Variants in PIN1 observed in about 807,000 individuals in gnomAD.
PIN1 encodes the protein peptidyl-prolyl cis-trans isomerase NIMA-interacting 1.
PIN1 carries 8 observed loss-of-function variants against 19.9 expected under a neutral mutation model. The ratio of observed to expected loss-of-function variants is 0.40; its 90% CI spans 0.24 to 0.72. The LOEUF is 0.72. PIN1 is among the 30% of genes least tolerant of loss of function. The pLI is 0.37. For synonymous variants in PIN1, 86 were observed against 90.8 expected, an observed-to-expected ratio of 0.95 and a Z score of 0.30; for missense variants, 185 against 226.5, an observed-to-expected ratio of 0.82 and a Z score of 1.18.
intron 2 of PIN1, among the ~76,000 whole-genome samples, chr19:9,839,872 C>T (rs537313832): frequency 6.6e-5 from 10 of 151,984 alleles, no homozygotes; most frequent in African/African-American, 9.7e-5. Flanking sequence ...TGGTGGTGCA[C>T]GCCTGTAGTG....
chr19:9,838,106 T>C lies in PIN1; in HGVS notation c.59-330T>C. 1 of 403,846 alleles carries C rather than the reference T, an allele frequency of 2.5e-6. No homozygotes were observed. Among genetic ancestry groups the C allele is most frequent in the East Asian group, 5.4e-5 (1 of 18,640 alleles). 25.0% of individuals were successfully genotyped at this position (403,846 alleles called of 1,614,324 possible). A position where few individuals can be genotyped will look rare whatever the true frequency, so the allele number is the denominator to read the frequency against. ...CTGGCTGCTGAGTGCATGGTTTGAG[T>C]CACTCCCTGTCCCCCAGCTTCCTCT... On this transcript the variant is annotated intron_variant, in intron 1 of 3. Transcript: ENST00000247970. This position sits in a 1 kb window ranked among gnomAD's most constrained non-coding sequence, Gnocchi z 5.8.
rs1429968724 is a variant in PIN1 at position 9,835,372 on chromosome 19, G to A, written c.28G>A (p.Gly10Ser). Residue 10 changes from glycine (G) to serine (S), a missense_variant, in exon 1 of 4, where the codon GGC (glycine) becomes AGC (serine). Transcript: ENST00000247970. ...GGCGGACGAGGAGAAGCTGCCGCCC[G>A]GCTGGGAGAAGCGCATGAGCCGCAG... MADEEKLPP[G>S]WEKRMSRSSG... 3.9e-6 allele frequency: 6 copies of A among 1,522,454 alleles called. No individual in the cohort carries two copies. The highest frequency in any genetic ancestry group is 2.6e-5 in the East Asian group (1 of 39,024). The allele number at this position is 1,522,454 out of a possible 1,614,324, so 94.3% of individuals were successfully genotyped here. A position where few individuals can be genotyped will look rare whatever the true frequency, so the allele number is the denominator to read the frequency against.
Position 9,848,099 on chromosome 19 carries a change from G to A in PIN1, c.341G>A (p.Ser114Asn). ...CTGGCCTCACAGTTCAGCGACTGCA[G>A]CTCAGCCAAGGCCAGGGGAGACCTG... ...ESLASQFSDC[S>N]SAKARGDLGA... The change falls in exon 3 of 4, where the codon AGC becomes AAC. Residue 114 changes from serine to asparagine, a missense_variant. By Grantham distance (46) the Ser-to-Asn change is conservative. Coordinates refer to ENST00000247970, the MANE Select transcript of PIN1 (RefSeq NM_006221.4). 6 of 1,613,478 alleles carry A rather than the reference G, an allele frequency of 3.7e-6. No individual in the cohort carries two copies. The highest frequency in any genetic ancestry group is 5.1e-6 in the Non-Finnish European group (6 of 1,179,454).
chr19:9,835,399 T>A lies in PIN1; in HGVS notation c.55T>A (p.Ser19Thr). Residue 19 changes from serine (S) to threonine (T), a missense_variant, in exon 1 of 4, where the codon TCA (serine) becomes ACA (threonine). Coordinates refer to ENST00000247970, the MANE Select transcript of PIN1 (RefSeq NM_006221.4). Reference protein sequence around the residue: ...PGWEKRMSRSSGRVYYFNHIT... With the variant: ...PGWEKRMSRSTGRVYYFNHIT... ...CTGGGAGAAGCGCATGAGCCGCAGCTCAGGTGCCGCGGGGGTCGGGGCTGG... is the reference window on the plus strand; with the variant it reads ...CTGGGAGAAGCGCATGAGCCGCAGCACAGGTGCCGCGGGGGTCGGGGCTGG... The A allele has an allele frequency of 1.3e-6, 2 of 1,501,004 alleles. No individual in the cohort carries two copies. Among genetic ancestry groups the A allele is most frequent in the East Asian group, 2.7e-5 (1 of 37,660 alleles). 93.0% of individuals were successfully genotyped at this position (1,501,004 alleles called of 1,614,324 possible). A position where few individuals can be genotyped will look rare whatever the true frequency, so the allele number is the denominator to read the frequency against.
At chr19:9,839,228 G>A (rs1265744548) in intron 2 of PIN1, among the ~76,000 whole-genome samples, 1 of 152,088 alleles carries the variant, frequency 6.6e-6, no homozygotes, top group Non-Finnish European at 1.5e-5. Flanking sequence ...GAGGTCAGGA[G>A]TTCAAGATTA....
chr19:9,847,982 C>A (rs368178295), intron 2 of PIN1, 48 bp from the exon 3 acceptor site: 189 of 1,214,782 alleles, frequency 1.6e-4, no homozygotes, highest in Non-Finnish European at 2.1e-4. Flanking sequence ...CTGGTCAGGC[C>A]CCCCCCAACC....
chr19:9,840,888 C>T (rs998309513), intron 2 of PIN1, among the ~76,000 whole-genome samples: 3 of 152,138 alleles, frequency 2.0e-5, no homozygotes, highest in Non-Finnish European at 2.9e-5. Context: ...TGAACCACCG[C>T]CCCCAGCTGT....
chr19:9,838,430 C>T lies in PIN1; in HGVS notation c.59-6C>T. 6.3e-7 allele frequency: 1 copy of T among 1,596,178 alleles called. No individual in the cohort carries two copies. Among genetic ancestry groups the T allele is most frequent in the African/African-American group, 1.3e-5 (1 of 74,910 alleles). On this transcript the variant is annotated splice_region_variant and splice_polypyrimidine_tract_variant and intron_variant, in intron 1 of 3. Coordinates refer to ENST00000247970, the MANE Select transcript of PIN1 (RefSeq NM_006221.4). This position sits in a 1 kb window ranked among gnomAD's most constrained non-coding sequence, Gnocchi z 5.8. ...TAGCTGAATTCCTGCCTGCCCTCCC[C>T]TCCAGGCCGAGTGTACTACTTCAAC...
At chr19:9,837,209 A>G (rs2046116459) in intron 1 of PIN1, 1 of 237,784 alleles carries the variant, frequency 4.2e-6, no homozygotes, top group Non-Finnish European at 8.6e-6. Context: ...GCTGGAGTGC[A>G]GTGGCATGAT....
At position 9,838,397 on chromosome 19, in the gene PIN1, C is replaced by A; in HGVS notation, c.59-39C>A. Reference sequence around the variant, plus strand: ...TGTGGGCCCAGGGGTGTCCTGGGAGCACAACCCTAGCTGAATTCCTGCCTG... The same window carrying A: ...TGTGGGCCCAGGGGTGTCCTGGGAGAACAACCCTAGCTGAATTCCTGCCTG... On this transcript the variant is annotated intron_variant, in intron 1 of 3. Transcript: ENST00000247970. The surrounding 1 kb of genome is among the most constrained non-coding windows in gnomAD (Gnocchi z 5.8). The A allele has an allele frequency of 6.5e-7, 1 of 1,527,006 alleles. No individual in the cohort carries two copies. Among genetic ancestry groups the A allele is most frequent in the African/African-American group, 1.4e-5 (1 of 73,612 alleles). The allele number at this position is 1,527,006 out of a possible 1,614,324, so 94.6% of individuals were successfully genotyped here. A position where few individuals can be genotyped will look rare whatever the true frequency, so the allele number is the denominator to read the frequency against.
intron 1 of PIN1, chr19:9,835,609 A>T: frequency 3.3e-4 from 124 of 371,060 alleles, no homozygotes; most frequent in Middle Eastern, 7.9e-4. Context: ...AAGCTGAGGC[A>T]GGGGGCTGGG....
chr19:9,847,639 C>G (rs994814521), intron 2 of PIN1, among the ~76,000 whole-genome samples: 1 of 152,230 alleles, frequency 6.6e-6, no homozygotes, highest in African/African-American at 2.4e-5. Context: ...CTCTCCCTGC[C>G]TGCTGCTCTC....
At chr19:9,845,469 T>C (rs1189158570) in intron 2 of PIN1, among the ~76,000 whole-genome samples, 1 of 152,022 alleles carries the variant, frequency 6.6e-6, no homozygotes, top group Admixed American at 6.6e-5. Flanking sequence ...CTCAGCTCAC[T>C]GTACCTTTCT....
intron 2 of PIN1, among the ~76,000 whole-genome samples, chr19:9,839,767 T>C (rs2046145909): frequency 6.6e-6 from 1 of 152,176 alleles, no homozygotes; most frequent in African/African-American, 2.4e-5. Flanking sequence ...ACTCCCACCC[T>C]GTGCGGGAGG....
At chr19:9,847,980 G>T (rs577766712) in intron 2 of PIN1, 50 bp from the exon 3 acceptor site, 4 of 1,188,696 alleles carry the variant, frequency 3.4e-6, no homozygotes, top group East Asian at 4.7e-5. Flanking sequence ...GTCTGGTCAG[G>T]CCCCCCCCAA....
intron 3 of PIN1, 95 bp from the exon 4 acceptor site, chr19:9,848,982 GCTCAGCGCAGGCA>G (rs2046247725): frequency 2.8e-6 from 2 of 706,724 alleles, no homozygotes; most frequent in Admixed American, 4.2e-5. Context: ...CGAGTGTGAG[GCTCAGCGCAGGCA>G]GGAGCCCCAT....
At chr19:9,845,762 C>T (rs556646928) in intron 2 of PIN1, among the ~76,000 whole-genome samples, 56 of 152,284 alleles carry the variant, frequency 3.7e-4, no homozygotes, top group South Asian at 8.3e-4. Flanking sequence ...ATGGCTTGCA[C>T]ACTATGTGTG....
intron 1 of PIN1, chr19:9,836,845 C>G: frequency 7.8e-6 from 10 of 1,287,032 alleles, no homozygotes; most frequent in Non-Finnish European, 1.0e-5. Flanking sequence ...GGAAGCGTTA[C>G]CCACTGCTGC....
At chr19:9,840,877 A>G (rs1251893837) in intron 2 of PIN1, among the ~76,000 whole-genome samples, 4 of 152,184 alleles carry the variant, frequency 2.6e-5, no homozygotes, top group Non-Finnish European at 4.4e-5. Context: ...GATGACAAGC[A>G]TGAACCACCG....
Sources: allele counts gnomAD v4.1 joint callset (sites outside exome capture counted in the v4.1 genomes callset), GRCh38; gene constraint gnomAD v4.1.1; non-coding constraint Gnocchi (gnomAD v3.1); transcripts MANE v1.5; gene names NCBI Gene and HGNC (gene_info 2026-07-23, HGNC 2026-07-21).